JAM3: variants seen among roughly 807,000 people sequenced by gnomAD.
JAM3 encodes the protein junctional adhesion molecule C.
A neutral mutation model predicts 39.4 loss-of-function variants in JAM3; 31 were observed. The ratio of observed to expected loss-of-function variants is 0.79; its 90% CI spans 0.59 to 1.06. The LOEUF is 1.06. Among genes scored for constraint, JAM3 ranks in the 50% least tolerant of loss-of-function variants. The pLI, the probability that JAM3 is intolerant of heterozygous loss-of-function variation, is 0.00. For missense variants in JAM3, 455 were observed against 391.4 expected (o/e 1.16, Z -1.37); for synonymous variants, 182 against 148.7 (o/e 1.22, Z -1.63).
At position 134,121,610 on chromosome 11, in the gene JAM3, C is replaced by T. The variant is rs1942533561; in HGVS notation, c.77-18241C>T. Among the ~76,000 whole-genome samples, 2 of 152,104 alleles carry T rather than the reference C, an allele frequency of 1.3e-5. 1 individual carries two copies. Among genetic ancestry groups the T allele is most frequent in the Admixed American group, 1.3e-4 (2 of 15,272 alleles). ...GTCAAACTGGCTTCAGCTAGCAATA[C>T]TTCATTAAATCCAAAAGAAAAAGAT... On this transcript the variant is annotated intron_variant, in intron 1 of 8. Coordinates refer to ENST00000299106, the MANE Select transcript of JAM3 (RefSeq NM_032801.5).
chr11:134,126,761 G>T (rs1216475786), intron 1 of JAM3, among the ~76,000 whole-genome samples: 1 of 152,214 alleles, frequency 6.6e-6, no homozygotes, highest in Non-Finnish European at 1.5e-5. Context: ...ATGGCAAGGG[G>T]CATGAATCTG....
At chr11:134,142,585 C>G (rs1005214028) in intron 3 of JAM3, among the ~76,000 whole-genome samples, 1 of 152,140 alleles carries the variant, frequency 6.6e-6, no homozygotes, top group African/African-American at 2.4e-5. Flanking sequence ...CTTCCTGCTT[C>G]TTTGAAAGTG....
chr11:134,132,793 G>A (rs1021836556), intron 1 of JAM3, among the ~76,000 whole-genome samples: 5 of 152,166 alleles, frequency 3.3e-5, no homozygotes, highest in African/African-American at 4.8e-5. Context: ...GAATGTCTGG[G>A]GGGGCCTGCT....
chr11:134,142,471 C>T (rs1942993840), intron 3 of JAM3, among the ~76,000 whole-genome samples: 1 of 152,108 alleles, frequency 6.6e-6, no homozygotes, highest in South Asian at 2.1e-4. Context: ...TATGGCAAGC[C>T]CTTCATGTCC....
At chr11:134,112,076 A>G (rs1942322893) in intron 1 of JAM3, among the ~76,000 whole-genome samples, 1 of 152,192 alleles carries the variant, frequency 6.6e-6, no homozygotes, top group Non-Finnish European at 1.5e-5. Context: ...CAACACTTTT[A>G]TTACGGTAAA....
At position 134,144,809 on chromosome 11, in the gene JAM3, G is replaced by A. The variant is rs1943041595; in HGVS notation, c.427G>A (p.Val143Ile). 1 of 1,613,976 alleles carries A rather than the reference G, an allele frequency of 6.2e-7. No individual in the cohort carries two copies. Among genetic ancestry groups the A allele is most frequent in the African/African-American group, 1.3e-5 (1 of 74,872 alleles). The change falls in exon 5 of 9, where the codon GTC (valine) becomes ATC (isoleucine). Residue 143 changes from valine (V) to isoleucine (I), a missense_variant. Transcript: ENST00000299106. ...LTVQVKPVTP[V>I]CRVPKAVPVG... Reference sequence around the variant, plus strand: ...CCCCACAGTGAAGCCAGTGACCCCTGTCTGTAGAGTGCCGAAGGCTGTACC... The same window carrying A: ...CCCCACAGTGAAGCCAGTGACCCCTATCTGTAGAGTGCCGAAGGCTGTACC...
chr11:134,113,812 G>A (rs1471457230), intron 1 of JAM3, among the ~76,000 whole-genome samples: 1 of 152,212 alleles, frequency 6.6e-6, no homozygotes, highest in Admixed American at 6.5e-5. Flanking sequence ...CCCACCAACA[G>A]TGTAAAAGTG....
At chr11:134,108,055 A>G (rs991008191) in intron 1 of JAM3, among the ~76,000 whole-genome samples, 9 of 152,052 alleles carry the variant, frequency 5.9e-5, no homozygotes, top group Non-Finnish European at 1.2e-4. Flanking sequence ...AGAAACCTCT[A>G]CTAGACTAAT....
Position 134,148,690 on chromosome 11 carries a change from A to G in JAM3, c.842+14A>G. ...GGATGGAGAAAGGTGAGCCTGCCTTATGTGAAAAAAGGGAAGTTCAAGCTG... is the reference window on the plus strand; with the variant it reads ...GGATGGAGAAAGGTGAGCCTGCCTTGTGTGAAAAAAGGGAAGTTCAAGCTG... On this transcript the variant is annotated intron_variant, in intron 7 of 8. Transcript: ENST00000299106. 1.2e-6 allele frequency: 2 copies of G among 1,614,150 alleles called. No individual in the cohort carries two copies. The highest frequency in any genetic ancestry group is 1.7e-6 in the Non-Finnish European group (2 of 1,180,032).
intron 1 of JAM3, among the ~76,000 whole-genome samples, chr11:134,109,283 A>C (rs1302576968): frequency 6.6e-6 from 1 of 152,176 alleles, no homozygotes; most frequent in African/African-American, 2.4e-5. Context: ...CTTCTATTCA[A>C]CACTGTATTG....
chr11:134,131,257 G>T, intron 1 of JAM3, among the ~76,000 whole-genome samples: 1 of 151,522 alleles, frequency 6.6e-6, no homozygotes, highest in African/African-American at 2.4e-5. Context: ...GGTGGTTGTT[G>T]TAGTGTTTGT....
chr11:134,089,491 A>G (rs1941804411), intron 1 of JAM3, among the ~76,000 whole-genome samples: 1 of 151,894 alleles, frequency 6.6e-6, no homozygotes, highest in Non-Finnish European at 1.5e-5. Context: ...CCGGTGTTTG[A>G]TGTTCCCCTT....
intron 1 of JAM3, among the ~76,000 whole-genome samples, chr11:134,103,084 A>C (rs1288491854): frequency 6.6e-6 from 1 of 152,228 alleles, no homozygotes; most frequent in Non-Finnish European, 1.5e-5. Flanking sequence ...GTTGAAATGA[A>C]GGAAAAAATG....
At chr11:134,076,628 G>T (rs1941575279) in intron 1 of JAM3, among the ~76,000 whole-genome samples, 1 of 152,100 alleles carries the variant, frequency 6.6e-6, no homozygotes, top group African/African-American at 2.4e-5. Flanking sequence ...ATATTAATCT[G>T]TGAAAATCTA....
chr11:134,097,933 C>T (rs1286413099), intron 1 of JAM3, among the ~76,000 whole-genome samples: 2 of 151,940 alleles, frequency 1.3e-5, no homozygotes, highest in African/African-American at 2.4e-5. Flanking sequence ...GACTCTGGCC[C>T]TTCAGTTCTT....
In JAM3 at chr11:134,099,205, A is replaced by G. The variant is rs190363565; in HGVS notation, c.76+30046A>G. On this transcript the variant is annotated intron_variant, in intron 1 of 8. Transcript: ENST00000299106. ...GACAGGGTGAGACCCTATTTCAAAA[A>G]ATAAAAATAAAAATAATACTACCAG... Among the ~76,000 whole-genome samples, 236 of 152,146 alleles carry G rather than the reference A, an allele frequency of 1.6e-3. 2 individuals carry two copies. The highest frequency in any genetic ancestry group is 5.4e-3 in the African/African-American group (226 of 41,494).
chr11:134,080,082 T>A (rs1454175554), intron 1 of JAM3, among the ~76,000 whole-genome samples: 1 of 152,232 alleles, frequency 6.6e-6, no homozygotes, highest in Non-Finnish European at 1.5e-5. Flanking sequence ...AAAAAATGAA[T>A]AACCAATTGG....
At chr11:134,101,366 G>A (rs780255673) in intron 1 of JAM3, among the ~76,000 whole-genome samples, 18 of 152,320 alleles carry the variant, frequency 1.2e-4, no homozygotes, top group East Asian at 1.9e-4. Context: ...TATAAGTAGA[G>A]TCATTTGAAA....
At chr11:134,136,223 C>T (rs1942863536) in intron 1 of JAM3, among the ~76,000 whole-genome samples, 1 of 152,224 alleles carries the variant, frequency 6.6e-6, no homozygotes, top group Non-Finnish European at 1.5e-5. Context: ...TTTCCTCACT[C>T]TTAAATAATG....
Sources: allele counts gnomAD v4.1 joint callset (sites outside exome capture counted in the v4.1 genomes callset), GRCh38; gene constraint gnomAD v4.1.1; transcripts MANE v1.5; gene names NCBI Gene and HGNC (gene_info 2026-07-23, HGNC 2026-07-21).